Variants in FBP2 observed in about 807,000 individuals in gnomAD.
FBP2 encodes fructose-bisphosphatase 2, also known as fructose-1,6-bisphosphatase isozyme 2.
In FBP2, 27 loss-of-function variants were observed where a neutral mutation model predicts 31.6. The observed-to-expected ratio is 0.85, with a 90% confidence interval of 0.63 to 1.18. The LOEUF (loss-of-function observed/expected upper bound fraction) is 1.18. Among genes scored for constraint, FBP2 ranks in the 50% most tolerant of loss-of-function variants. The pLI is 0.00. For synonymous variants in FBP2, 168 were observed against 179.8 expected (o/e 0.93, Z 0.53); for missense variants, 421 against 436.1 (o/e 0.97, Z 0.31).
At position 94,558,793 on chromosome 9, in the gene FBP2, T is replaced by A. The variant is rs1366194834; in HGVS notation, c.*145A>T. 1.4e-6 allele frequency: 1 copy of A among 739,642 alleles called. No homozygotes were observed. The highest frequency in any genetic ancestry group is 2.3e-6 in the Non-Finnish European group (1 of 438,882). The allele number at this position is 739,642 out of a possible 1,614,324, so 45.8% of individuals were successfully genotyped here. A position where few individuals can be genotyped will look rare whatever the true frequency, so the allele number is the denominator to read the frequency against. On this transcript the variant is annotated 3_prime_UTR_variant, in exon 7 of 7. Coordinates refer to ENST00000375337, the MANE Select transcript of FBP2 (RefSeq NM_003837.4). ...TCGCCTGTGGCTTCCAAACCTGTCG[T>A]AAGCAGTTTGTTGTTGCTCTTCTGT...
At chr9:94,590,204 C>T (rs547574266) in intron 1 of FBP2, among the ~76,000 whole-genome samples, 21 of 152,126 alleles carry the variant, frequency 1.4e-4, no homozygotes, top group Non-Finnish European at 2.2e-4. Context: ...GCTCTCTAGC[C>T]CGTAGGACAG....
chr9:94,578,466 A>T (rs907145298), intron 3 of FBP2, among the ~76,000 whole-genome samples: 87 of 152,276 alleles, frequency 5.7e-4, no homozygotes, highest in African/African-American at 2.1e-3. Context: ...TTTTAAGTGA[A>T]TTTTTTCTGT....
chr9:94,588,447 C>G (rs937113291), intron 1 of FBP2, among the ~76,000 whole-genome samples: 4 of 151,950 alleles, frequency 2.6e-5, no homozygotes, highest in Admixed American at 1.3e-4. Context: ...CACAGTGAGA[C>G]CCTGTCTTTA....
rs758913276 is a variant in FBP2, at chr9:94,584,616, G to A, written c.387C>T (p.Cys129=). The A allele has an allele frequency of 2.9e-5, 46 of 1,613,726 alleles. No individual in the cohort carries two copies. In the East Asian group the frequency reaches 1.0e-3, roughly 35 times the overall value. The change falls in exon 3 of 7, where the codon TGC becomes TGT. Residue 129 remains cysteine (C), a synonymous_variant. Coordinates refer to ENST00000375337, the MANE Select transcript of FBP2 (RefSeq NM_003837.4). ...CAAAGATGGTTCCGATGGAGGCCAG[G>A]CAGTCAATATTGGAAGATCCATCCA... ...DPLDGSSNID[C]LASIGTIFAI... is the part of the protein sequence containing the mutation.
At chr9:94,559,490 A>G (rs1827061895) in intron 6 of FBP2, among the ~76,000 whole-genome samples, 1 of 151,578 alleles carries the variant, frequency 6.6e-6, no homozygotes, top group East Asian at 1.9e-4. Flanking sequence ...CCTTGGTGGA[A>G]GCCTTTATAT....
At position 94,567,399 on chromosome 9, in the gene FBP2, A is replaced by G. The variant is rs1353086783; in HGVS notation, c.576T>C (p.Gly192=). Residue 192 remains glycine, a synonymous_variant, in exon 5 of 7, where the codon GGT becomes GGC. Transcript: ENST00000375337. ...CATCTTTTTCCACCAGGACAAATTCACCAAGAGCCTAGCAACATGAAGAGA... is the reference window on the plus strand; with the variant it reads ...CATCTTTTTCCACCAGGACAAATTCGCCAAGAGCCTAGCAACATGAAGAGA... ...VDLFMLDPAL[G]EFVLVEKDVK... is the part of the protein sequence containing the mutation. 6.2e-7 allele frequency: 1 copy of G among 1,614,112 alleles called. No homozygotes were observed. The highest frequency in any genetic ancestry group is 1.1e-5 in the South Asian group (1 of 91,084).
intron 5 of FBP2, among the ~76,000 whole-genome samples, chr9:94,565,802 AGAGT>A (rs1050743994): frequency 5.9e-5 from 9 of 151,970 alleles, no homozygotes; most frequent in Non-Finnish European, 1.2e-4. Flanking sequence ...TAGATAGGTG[AGAGT>A]GAGGGAGGGA....
chr9:94,585,387 G>T (rs564557387), intron 2 of FBP2, among the ~76,000 whole-genome samples: 1 of 152,130 alleles, frequency 6.6e-6, no homozygotes, highest in South Asian at 2.1e-4. Flanking sequence ...TTTCCGGGGG[G>T]TCAGCGATCC....
At chr9:94,590,244 G>A (rs900314400) in intron 1 of FBP2, among the ~76,000 whole-genome samples, 4 of 152,154 alleles carry the variant, frequency 2.6e-5, no homozygotes, top group African/African-American at 9.7e-5. Context: ...TGACACTAAA[G>A]CTAACTAACA....
chr9:94,562,223 T>C (rs566739631), intron 6 of FBP2, among the ~76,000 whole-genome samples: 19 of 142,950 alleles, frequency 1.3e-4, no homozygotes, highest in African/African-American at 5.0e-4. Flanking sequence ...GGCAGGAGAA[T>C]GGTGTGAACC....
At chr9:94,586,431 A>C (rs1827428758) in intron 2 of FBP2, among the ~76,000 whole-genome samples, 1 of 152,186 alleles carries the variant, frequency 6.6e-6, no homozygotes, top group Non-Finnish European at 1.5e-5. Context: ...ACTGACATGA[A>C]GACCTATGTG....
chr9:94,564,196 A>G (rs936290088), intron 5 of FBP2, among the ~76,000 whole-genome samples: 1 of 152,212 alleles, frequency 6.6e-6, no homozygotes, highest in Non-Finnish European at 1.5e-5. Context: ...CTCATCACAC[A>G]CAGCACATAC....
At chr9:94,567,612 C>G in intron 4 of FBP2, 1 of 539,384 alleles carries the variant, frequency 1.9e-6, no homozygotes, top group Non-Finnish European at 3.3e-6. Context: ...GAAGCTCTAG[C>G]AGTAACACAG....
intron 3 of FBP2, among the ~76,000 whole-genome samples, chr9:94,574,114 C>T (rs1425749837): frequency 3.3e-5 from 5 of 152,148 alleles, no homozygotes; most frequent in African/African-American, 1.2e-4. Flanking sequence ...TCTTTTTATC[C>T]TTTTGAAAAA....
At chr9:94,590,602 G>T (rs1207799811) in intron 1 of FBP2, among the ~76,000 whole-genome samples, 1 of 152,122 alleles carries the variant, frequency 6.6e-6, no homozygotes, top group Non-Finnish European at 1.5e-5. Context: ...GTCTCACTGG[G>T]CTCAGAAGTG....
intron 4 of FBP2, 23 bp from the exon 5 acceptor site, chr9:94,567,430 C>T: frequency 1.9e-6 from 3 of 1,605,868 alleles, no homozygotes. Context: ...AGAGAGATGC[C>T]AGGAAGAAGA....
chr9:94,567,321 C>G lies in FBP2; in HGVS notation c.654G>C (p.Lys218Asn), dbSNP rs765587674. Residue 218 changes from lysine (K) to asparagine (N), a missense_variant, in exon 5 of 7, where the codon AAG (lysine) becomes AAC (asparagine). Lys to Asn is a moderately conservative substitution (Grantham distance 94). Coordinates refer to ENST00000375337, the MANE Select transcript of FBP2 (RefSeq NM_003837.4). The part of the protein sequence containing the change: ...KIYSLNEGYA[K>N]YFDAATTEYV... Reference sequence around the variant, plus strand: ...ATTCAGTGGTGGCCGCATCAAAATACTTGGCATAGCCCTCATTCAGGCTGT... The same window carrying G: ...ATTCAGTGGTGGCCGCATCAAAATAGTTGGCATAGCCCTCATTCAGGCTGT... 22 of 1,614,098 alleles carry G rather than the reference C, an allele frequency of 1.4e-5. No homozygotes were observed. In the Middle Eastern group the frequency reaches 6.6e-4, roughly 48 times the overall value.
chr9:94,568,141 AT>A (rs1446211076), intron 4 of FBP2: 3 of 150,646 alleles, frequency 2.0e-5, no homozygotes, highest in African/African-American at 4.9e-5. Context: ...AAAAAAAAAA[AT>A]GTGTGGTACA....
intron 1 of FBP2, among the ~76,000 whole-genome samples, chr9:94,587,856 C>CTT (rs113338102): frequency 1.5e-4 from 23 of 149,172 alleles, no homozygotes; most frequent in African/African-American, 5.4e-4. Context: ...TTCTTTTTTC[C>CTT]TTTTTTTTTT....
Sources: allele counts gnomAD v4.1 joint callset (sites outside exome capture counted in the v4.1 genomes callset), GRCh38; gene constraint gnomAD v4.1.1; transcripts MANE v1.5; gene names NCBI Gene and HGNC (gene_info 2026-07-23, HGNC 2026-07-21).